The following SLC14A2 variants were observed in gnomAD, a reference collection of about 807,000 sequenced individuals.
The protein encoded by SLC14A2 is solute carrier family 14 member 2, also known as urea transporter 2.
Under a neutral mutation model 104.6 loss-of-function variants are expected in SLC14A2, and 91 were observed. That is an observed-to-expected ratio of 0.87 (90% CI 0.73 to 1.04). The LOEUF (loss-of-function observed/expected upper bound fraction) is 1.04. Ranked by LOEUF, SLC14A2 falls within the 50% of genes least tolerant of loss-of-function variation. The pLI, the probability that SLC14A2 is intolerant of heterozygous loss-of-function variation, is 0.00. For synonymous variants in SLC14A2, 476 were observed against 466.4 expected (o/e 1.02, Z -0.27); for missense variants, 1,189 against 1,156.0 (o/e 1.03, Z -0.41).
At chr18:45,637,895 C>G (rs956621031) in intron 6 of SLC14A2, among the ~76,000 whole-genome samples, 1 of 152,168 alleles carries the variant, frequency 6.6e-6, no homozygotes, top group Non-Finnish European at 1.5e-5. Context: ...CCTGACTGCC[C>G]TTCACACCAG....
chr18:45,242,638 C>T (rs1819033296), intron 1 of SLC14A2, among the ~76,000 whole-genome samples: 1 of 152,182 alleles, frequency 6.6e-6, no homozygotes, highest in Non-Finnish European at 1.5e-5. Context: ...TAAATGAATA[C>T]ATACATGCGT....
chr18:45,429,475 G>T (rs1470957183), intron 1 of SLC14A2, among the ~76,000 whole-genome samples: 1 of 152,166 alleles, frequency 6.6e-6, no homozygotes, highest in East Asian at 1.9e-4. Flanking sequence ...ACTCTTTAGG[G>T]ATTCTACAGT....
rs2045491594 is a variant in SLC14A2 at position 45,639,882 on chromosome 18, G to A, written c.980G>A (p.Gly327Glu). 1.5e-5 allele frequency: 25 copies of A among 1,613,078 alleles called. No homozygotes were observed. The highest frequency in any genetic ancestry group is 1.9e-5 in the Non-Finnish European group (22 of 1,179,884). The stretch of plus-strand genomic sequence containing the variant: ...CATGCAGCCATTGGCTCAATCGTGG[G>A]GCTGCTAGCAGGTAGGACAGAGCTC... ...CLHAAIGSIVGLLAALSVATP... is the reference protein window; with the variant it reads ...CLHAAIGSIVELLAALSVATP... The change falls in exon 7 of 20, where the codon GGG becomes GAG. Residue 327 changes from glycine to glutamate, a missense_variant. Coordinates refer to ENST00000255226, the MANE Select transcript of SLC14A2 (RefSeq NM_007163.4).
At chr18:45,512,657 T>C (rs2043382354) in intron 2 of SLC14A2, among the ~76,000 whole-genome samples, 1 of 152,090 alleles carries the variant, frequency 6.6e-6, no homozygotes, top group Non-Finnish European at 1.5e-5. Flanking sequence ...TCTATTTCAT[T>C]TGGAAGTTTG....
At chr18:45,509,238 G>A (rs928392944) in intron 2 of SLC14A2, among the ~76,000 whole-genome samples, 1 of 151,992 alleles carries the variant, frequency 6.6e-6, no homozygotes, top group Non-Finnish European at 1.5e-5. Context: ...AGAGGAGATG[G>A]ACCAAATCTC....
the SLC14A2 span, among the ~76,000 whole-genome samples, chr18:45,173,079 A>C: frequency 2.3e-4 from 35 of 152,300 alleles, no homozygotes; most frequent in African/African-American, 7.9e-4. Flanking sequence ...ACCATTATTA[A>C]GATACCAATG....
At chr18:45,458,216 A>G (rs1598850063) in intron 1 of SLC14A2, among the ~76,000 whole-genome samples, 1 of 152,206 alleles carries the variant, frequency 6.6e-6, no homozygotes, top group Non-Finnish European at 1.5e-5. Flanking sequence ...TGGGCAGCAC[A>G]AAGGAGCTTT....
At chr18:45,380,954 A>G (rs554812081) in intron 1 of SLC14A2, among the ~76,000 whole-genome samples, 6 of 152,216 alleles carry the variant, frequency 3.9e-5, no homozygotes, top group Non-Finnish European at 8.8e-5. Context: ...TCAACTCTGA[A>G]GTTGTTTGAT....
intron 2 of SLC14A2, among the ~76,000 whole-genome samples, chr18:45,559,814 C>T (rs1296089741): frequency 1.3e-5 from 2 of 152,228 alleles, no homozygotes; most frequent in Non-Finnish European, 2.9e-5. Context: ...TTGGGGTGCA[C>T]CCTACTGTGG....
chr18:45,195,090 A>G, the SLC14A2 span, among the ~76,000 whole-genome samples: 1 of 152,190 alleles, frequency 6.6e-6, no homozygotes, highest in African/African-American at 2.4e-5. Context: ...CTCCTTACTG[A>G]AACTATTGAC....
At chr18:45,676,708 C>T (rs1200425920) in intron 18 of SLC14A2, among the ~76,000 whole-genome samples, 7 of 152,094 alleles carry the variant, frequency 4.6e-5, no homozygotes, top group Non-Finnish European at 1.5e-5. Context: ...CCAAAGTGTC[C>T]ATGGAGCTGG....
intron 2 of SLC14A2, among the ~76,000 whole-genome samples, chr18:45,548,656 A>T (rs1203941337): frequency 6.6e-6 from 1 of 152,222 alleles, no homozygotes; most frequent in Non-Finnish European, 1.5e-5. Flanking sequence ...GTGATCTATC[A>T]TCATGCCACT....
At chr18:45,513,790 T>G (rs796934016) in intron 2 of SLC14A2, among the ~76,000 whole-genome samples, 20 of 152,194 alleles carry the variant, frequency 1.3e-4, no homozygotes, top group African/African-American at 4.3e-4. Flanking sequence ...ATACTCTGTT[T>G]CATTCTTACT....
intron 1 of SLC14A2, among the ~76,000 whole-genome samples, chr18:45,228,558 T>A (rs2084142362): frequency 6.6e-6 from 1 of 152,174 alleles, no homozygotes; most frequent in Non-Finnish European, 1.5e-5. Flanking sequence ...AGGTCCTCAG[T>A]ATCCCTCTTT....
intron 1 of SLC14A2, among the ~76,000 whole-genome samples, chr18:45,351,981 C>G (rs1270193869): frequency 2.0e-5 from 3 of 152,022 alleles, no homozygotes; most frequent in Admixed American, 6.6e-5. Context: ...GATATTAGGT[C>G]AATGTAAAGA....
At chr18:45,562,819 C>A (rs957148759) in intron 2 of SLC14A2, among the ~76,000 whole-genome samples, 2 of 152,226 alleles carry the variant, frequency 1.3e-5, no homozygotes, top group African/African-American at 2.4e-5. Flanking sequence ...GGGTGGGAAA[C>A]AACCAAGAGG....
At chr18:45,547,102 T>C (rs912106404) in intron 2 of SLC14A2, among the ~76,000 whole-genome samples, 6 of 152,182 alleles carry the variant, frequency 3.9e-5, no homozygotes. Flanking sequence ...AGCTCCTTCA[T>C]GTCCCAGGTA....
intron 2 of SLC14A2, among the ~76,000 whole-genome samples, chr18:45,536,630 A>T (rs1000833753): frequency 5.9e-5 from 9 of 152,222 alleles, no homozygotes; most frequent in Admixed American, 2.0e-4. Context: ...AATGACGTCC[A>T]CAACAATCCA....
intron 1 of SLC14A2, among the ~76,000 whole-genome samples, chr18:45,460,886 G>A (rs1261794001): frequency 6.6e-6 from 1 of 152,016 alleles, no homozygotes; most frequent in Non-Finnish European, 1.5e-5. Flanking sequence ...TTAGAAGCTG[G>A]AAGGAAAAAA....
Sources: gnomAD v4.1 joint callset for allele counts (sites outside exome capture counted in the v4.1 genomes callset) on GRCh38, gnomAD v4.1.1 for gene constraint, MANE v1.5 for transcripts, NCBI Gene and HGNC (gene_info 2026-07-23, HGNC 2026-07-21) for gene names.